Variants in NCAM2 observed in about 807,000 individuals in gnomAD.
NCAM2 encodes the protein neural cell adhesion molecule 2, also known as N-CAM-2.
A neutral mutation model predicts 98.1 loss-of-function variants in NCAM2; 30 were observed. That is an observed-to-expected ratio of 0.31 (90% CI 0.23 to 0.41). The LOEUF (loss-of-function observed/expected upper bound fraction) is 0.41. NCAM2 is among the 10% of genes least tolerant of loss of function. The probability of loss-of-function intolerance (pLI) is 1.00; values close to 1 mark genes in which losing one functional copy is unlikely to be tolerated. For synonymous variants in NCAM2, 368 were observed against 342.4 expected (o/e 1.07, Z -0.83); for missense variants, 867 against 1,005.8 (o/e 0.86, Z 1.87).
chr21:21,421,984 A>G (rs1602291972), intron 11 of NCAM2, among the ~76,000 whole-genome samples: 1 of 151,972 alleles, frequency 6.6e-6, no homozygotes, highest in African/African-American at 2.4e-5. Flanking sequence ...ACTTAGCCCT[A>G]CATCGGAATG....
At chr21:21,443,336 G>A (rs961638192) in intron 12 of NCAM2, among the ~76,000 whole-genome samples, 17 of 152,166 alleles carry the variant, frequency 1.1e-4, no homozygotes, top group East Asian at 9.7e-4. Context: ...ATGACGAGTT[G>A]ATGGGTGCAG....
Position 20,998,447 on chromosome 21 carries a change from G to C in NCAM2, c.-117G>C. On this transcript the variant is annotated 5_prime_UTR_variant, in exon 1 of 18. Coordinates refer to ENST00000400546, the MANE Select transcript of NCAM2 (RefSeq NM_004540.5). ...GAGCGCGCGGGCTGCGGGCGGCTGG[G>C]GCACCGCGGGAGCGGCGGCGGCGGC... is the stretch of plus-strand genomic sequence containing the variant. 1.0e-6 allele frequency: 1 copy of C among 956,298 alleles called. No individual in the cohort carries two copies. Among genetic ancestry groups the C allele is most frequent in the Non-Finnish European group, 1.5e-6 (1 of 646,914 alleles). The allele number at this position is 956,298 out of a possible 1,614,324, so 59.2% of individuals were successfully genotyped here. A position where few individuals can be genotyped will look rare whatever the true frequency, so the allele number is the denominator to read the frequency against.
chr21:21,262,807 C>T (rs1332394759), intron 1 of NCAM2, among the ~76,000 whole-genome samples: 1 of 152,080 alleles, frequency 6.6e-6, no homozygotes, highest in Non-Finnish European at 1.5e-5. Context: ...TTCCACGTGG[C>T]TGGGGAGGCC....
At position 20,998,455 on chromosome 21, in the gene NCAM2, G is replaced by C; in HGVS notation, c.-109G>C. On this transcript the variant is annotated 5_prime_UTR_variant, in exon 1 of 18. Transcript: ENST00000400546. Reference sequence around the variant, plus strand: ...GGGCTGCGGGCGGCTGGGGCACCGCGGGAGCGGCGGCGGCGGCTCTAGCAG... The same window carrying C: ...GGGCTGCGGGCGGCTGGGGCACCGCCGGAGCGGCGGCGGCGGCTCTAGCAG... 1 of 1,082,268 alleles carries C rather than the reference G, an allele frequency of 9.2e-7. No homozygotes were observed. The allele number at this position is 1,082,268 out of a possible 1,614,324, so 67.0% of individuals were successfully genotyped here. A position where few individuals can be genotyped will look rare whatever the true frequency, so the allele number is the denominator to read the frequency against.
intron 1 of NCAM2, among the ~76,000 whole-genome samples, chr21:21,108,127 G>T (rs548512182): frequency 3.9e-5 from 6 of 151,910 alleles, no homozygotes; most frequent in South Asian, 4.2e-4. Context: ...TATAGTTTTT[G>T]TGTGTATTAT....
At chr21:21,000,641 C>A (rs2064002751) in intron 1 of NCAM2, among the ~76,000 whole-genome samples, 1 of 152,034 alleles carries the variant, frequency 6.6e-6, no homozygotes, top group African/African-American at 2.4e-5. Context: ...AGAAGGAGAC[C>A]ATCATTGTAA....
At chr21:21,040,522 G>T (rs1450039690) in intron 1 of NCAM2, among the ~76,000 whole-genome samples, 2 of 151,814 alleles carry the variant, frequency 1.3e-5, no homozygotes, top group Non-Finnish European at 2.9e-5. Flanking sequence ...TGCTCACAAG[G>T]ATATAGGACA....
chr21:21,403,454 A>G (rs1035788873), intron 9 of NCAM2, among the ~76,000 whole-genome samples: 3 of 152,164 alleles, frequency 2.0e-5, no homozygotes, highest in African/African-American at 7.2e-5. Flanking sequence ...CAGATGGAAA[A>G]TCTTTAAGAT....
intron 1 of NCAM2, among the ~76,000 whole-genome samples, chr21:21,163,560 T>A (rs2067857590): frequency 6.6e-6 from 1 of 152,216 alleles, no homozygotes; most frequent in Non-Finnish European, 1.5e-5. Flanking sequence ...CTGTGTTGCT[T>A]GATATAACGT....
rs1312813027 is a variant in NCAM2 at position 21,487,645 on chromosome 21, T to G, written c.2077+10174T>G. 3.3e-5 allele frequency among the ~76,000 whole-genome samples: 5 copies of G among 152,158 alleles called. No homozygotes were observed. In the South Asian group the frequency reaches 6.2e-4, roughly 19 times the overall value. On this transcript the variant is annotated intron_variant, in intron 15 of 17. Transcript: ENST00000400546. ...ATCTGCATGTGGAATATCAGGATTT[T>G]TAAAATATAGATCTGGATATCTCCT...
intron 8 of NCAM2, among the ~76,000 whole-genome samples, chr21:21,371,886 C>T (rs953372874): frequency 1.1e-4 from 16 of 151,658 alleles, no homozygotes; most frequent in African/African-American, 3.6e-4. Context: ...CACACACACA[C>T]ACACACGCTC....
chr21:21,363,637 A>C (rs2075707323), intron 8 of NCAM2, among the ~76,000 whole-genome samples: 1 of 152,106 alleles, frequency 6.6e-6, no homozygotes, highest in Non-Finnish European at 1.5e-5. Context: ...ATATACGTTA[A>C]AGATTCATCA....
At chr21:21,368,668 T>A (rs933692187) in intron 8 of NCAM2, among the ~76,000 whole-genome samples, 11 of 151,812 alleles carry the variant, frequency 7.2e-5, no homozygotes, top group Non-Finnish European at 1.3e-4. Context: ...GGCTCTTTTA[T>A]TGGGCACTAA....
intron 4 of NCAM2, among the ~76,000 whole-genome samples, chr21:21,289,403 A>G (rs897123757): frequency 4.6e-5 from 7 of 151,902 alleles, no homozygotes; most frequent in Non-Finnish European, 4.4e-5. Flanking sequence ...GTGGTAATAA[A>G]GGATGATAAA....
chr21:21,300,429 G>A (rs372960303), intron 5 of NCAM2, among the ~76,000 whole-genome samples: 31 of 152,064 alleles, frequency 2.0e-4, no homozygotes, highest in African/African-American at 7.5e-4. Flanking sequence ...GAAACTTTCT[G>A]GTCCATCATA....
chr21:21,506,778 G>T (rs935551686), intron 15 of NCAM2, among the ~76,000 whole-genome samples: 1 of 152,006 alleles, frequency 6.6e-6, no homozygotes, highest in Non-Finnish European at 1.5e-5. Context: ...TTAAAATTTG[G>T]TATAGGAAGG....
chr21:21,115,313 C>T (rs911766143), intron 1 of NCAM2, among the ~76,000 whole-genome samples: 1 of 152,100 alleles, frequency 6.6e-6, no homozygotes, highest in African/African-American at 2.4e-5. Flanking sequence ...TTTCTCAGCC[C>T]TGAATGCTAA....
chr21:21,515,928 T>A (rs539435080), intron 16 of NCAM2, among the ~76,000 whole-genome samples: 8 of 152,318 alleles, frequency 5.3e-5, no homozygotes, highest in South Asian at 4.1e-4. Flanking sequence ...CCATGGGCCA[T>A]GTAATTTTAA....
intron 1 of NCAM2, among the ~76,000 whole-genome samples, chr21:21,031,810 AC>A (rs2064689705): frequency 1.3e-4 from 2 of 15,608 alleles, no homozygotes; most frequent in South Asian, 7.5e-3. Context: ...ACACTCTTAT[AC>A]ACACACACAC....
Sources: gnomAD v4.1 joint callset for allele counts (sites outside exome capture counted in the v4.1 genomes callset) on GRCh38, gnomAD v4.1.1 for gene constraint, MANE v1.5 for transcripts, NCBI Gene and HGNC (gene_info 2026-07-23, HGNC 2026-07-21) for gene names.